Variants in TNRC18 observed in about 807,000 individuals in gnomAD.
The protein encoded by TNRC18 is trinucleotide repeat-containing gene 18 protein.
In TNRC18, 69 loss-of-function variants were observed where a neutral mutation model predicts 226.7. The observed-to-expected ratio is 0.30, with a 90% CI of 0.25 to 0.37. The LOEUF (loss-of-function observed/expected upper bound fraction) is 0.37, where lower values mean the gene tolerates loss of function less well. TNRC18 is among the 10% of genes least tolerant of loss of function. The pLI is 1.00. For missense variants in TNRC18, 4,754 were observed against 4,256.6 expected (o/e 1.12, Z -3.25); for synonymous variants, 2,449 against 1,927.6 (o/e 1.27, Z -7.09).
At chr7:5,419,539 G>A (rs189510506) in intron 2 of TNRC18, among the ~76,000 whole-genome samples, 2 of 151,956 alleles carry the variant, frequency 1.3e-5, no homozygotes, top group East Asian at 1.9e-4. Flanking sequence ...TGTACCCCAG[G>A]GCCGCCCCCC....
chr7:5,362,226 C>A (rs1208795053), intron 12 of TNRC18, among the ~76,000 whole-genome samples, 193 bp from the exon 13 acceptor site: 1 of 152,202 alleles, frequency 6.6e-6, no homozygotes, highest in African/African-American at 2.4e-5. Flanking sequence ...CTCTGCGGGG[C>A]TGTGGCAGTG....
intron 2 of TNRC18, chr7:5,420,298 C>A (rs935018578): frequency 1.1e-5 from 5 of 438,308 alleles, no homozygotes; most frequent in Non-Finnish European, 1.8e-5. Flanking sequence ...CCTCCGCCGC[C>A]TGGGCCCTGC....
intron 11 of TNRC18, among the ~76,000 whole-genome samples, chr7:5,368,098 C>T (rs1793790151): frequency 1.3e-5 from 2 of 151,694 alleles, no homozygotes; most frequent in African/African-American, 4.8e-5. Context: ...AATGCCTGAC[C>T]ATCTAAGACT....
In TNRC18 at chr7:5,320,322, G is replaced by A; in HGVS notation, c.6741C>T (p.Val2247=). The A allele has an allele frequency of 6.4e-7, 1 of 1,552,656 alleles. No homozygotes were observed. The highest frequency in any genetic ancestry group is 8.7e-7 in the Non-Finnish European group (1 of 1,147,874). ...GCTGGGGAGGAGGCATCTCACCTCG[G>A]ACCACAGTGCCTGGGTAGAGACAGC... ...QYRCLYPGTV[V]RGLLDLEDDG... is the part of the protein sequence containing the mutation. The change falls in exon 24 of 30, where the codon GTC becomes GTT. Residue 2247 remains valine, a synonymous_variant. Coordinates refer to ENST00000430969, the MANE Select transcript of TNRC18 (RefSeq NM_001080495.3).
chr7:5,372,474 C>T (rs568005211), intron 10 of TNRC18, among the ~76,000 whole-genome samples: 3 of 151,858 alleles, frequency 2.0e-5, no homozygotes, highest in South Asian at 2.1e-4. Context: ...CCACCCGCCT[C>T]AGCCTCCCAA....
rs1339471556 is a variant in TNRC18, at chr7:5,394,555, C to T, written c.228G>A (p.Gly76=). The T allele has an allele frequency of 6.5e-7, 1 of 1,550,180 alleles. No individual in the cohort carries two copies. Among genetic ancestry groups the T allele is most frequent in the South Asian group, 1.2e-5 (1 of 83,802 alleles). The change falls in exon 3 of 30, where the codon GGG becomes GGA. Residue 76 remains glycine (G), a synonymous_variant. Transcript: ENST00000430969. The surrounding 1 kb of genome is among the most constrained non-coding windows in gnomAD (Gnocchi z 4.5). ...GGCTCCCATGGGACGAGGCCGAGGG[C>T]CCCATCCCGCTGGCCACAAAGCTGC... ...FLGSFVASGM[G]PSASSHGSPV...
At chr7:5,396,699 G>A (rs1049575956) in intron 2 of TNRC18, among the ~76,000 whole-genome samples, 3 of 152,094 alleles carry the variant, frequency 2.0e-5, no homozygotes, top group Admixed American at 1.3e-4. Flanking sequence ...GAGGGATTCC[G>A]TGTGTACCCT....
rs143007573 is a variant in TNRC18 at position 5,356,413 on chromosome 7, G to A, written c.5194+503C>T. Among the ~76,000 whole-genome samples, 430 of 152,062 alleles carry A rather than the reference G, an allele frequency of 2.8e-3. 2 individuals are homozygous for A. The highest frequency in any genetic ancestry group is 9.8e-3 in the African/African-American group (405 of 41,484). The stretch of plus-strand genomic sequence containing the variant: ...CTGCATCCATAGCCGAGCACGGTGG[G>A]CGCTCCATAAACACTGCTTCCGCCA... On this transcript the variant is annotated intron_variant, in intron 16 of 29. Coordinates refer to ENST00000430969, the MANE Select transcript of TNRC18 (RefSeq NM_001080495.3).
Position 5,377,429 on chromosome 7 carries a change from C to T in TNRC18, c.2403G>A (p.Thr801=), listed in dbSNP as rs776250215. 3 of 1,586,698 alleles carry T rather than the reference C, an allele frequency of 1.9e-6. No homozygotes were observed. Among genetic ancestry groups the T allele is most frequent in the East Asian group, 2.3e-5 (1 of 43,328 alleles). The change falls in exon 7 of 30, where the codon ACG becomes ACA. Residue 801 remains threonine (T), a synonymous_variant. Coordinates refer to ENST00000430969, the MANE Select transcript of TNRC18 (RefSeq NM_001080495.3). This position sits in a 1 kb window ranked among gnomAD's most constrained non-coding sequence, Gnocchi z 5.8. The stretch of plus-strand genomic sequence containing the variant: ...TGCCCGAGCGGGGCAACCAGGGGTG[C>T]GTGGCCAGATGGGCTGCGGGGTCGG... ...WSADPAAHLA[T]HPWLPRSGNA...
intron 2 of TNRC18, chr7:5,420,541 C>G (rs899840847): frequency 1.1e-5 from 5 of 444,736 alleles, no homozygotes; most frequent in South Asian, 7.9e-5. Context: ...ACCGTACTCC[C>G]GCATCCCCCG....
At chr7:5,404,047 T>C (rs976866162) in intron 2 of TNRC18, among the ~76,000 whole-genome samples, 2 of 152,240 alleles carry the variant, frequency 1.3e-5, no homozygotes, top group African/African-American at 4.8e-5. Context: ...GTTAACACTC[T>C]GGCTATATAA....
At position 5,388,757 on chromosome 7, in the gene TNRC18, A is replaced by C; in HGVS notation, c.1067T>G (p.Val356Gly). The C allele has an allele frequency of 8.2e-7, 1 of 1,220,322 alleles. No individual in the cohort carries two copies. Among genetic ancestry groups the C allele is most frequent in the Non-Finnish European group, 1.0e-6 (1 of 978,672 alleles). The allele number at this position is 1,220,322 out of a possible 1,614,324, so 75.6% of individuals were successfully genotyped here. A position where few individuals can be genotyped will look rare whatever the true frequency, so the allele number is the denominator to read the frequency against. Residue 356 changes from valine to glycine, a missense_variant, in exon 5 of 30, where the codon GTC becomes GGC. Transcript: ENST00000430969. ...PAPPAATPAG[V>G]YTVFREQGRE... ...GCCCTGCTCGCGGAAGACGGTGTAG[A>C]CGCCGGCGGGGGTGGCCGCGGGGGG...
intron 2 of TNRC18, among the ~76,000 whole-genome samples, chr7:5,404,100 C>T (rs926569157): frequency 1.3e-5 from 2 of 152,080 alleles, no homozygotes; most frequent in Non-Finnish European, 2.9e-5. Context: ...GGGCCGGGGG[C>T]GGTGGACCAT....
At chr7:5,341,891 A>G (rs1790724542) in intron 18 of TNRC18, among the ~76,000 whole-genome samples, 1 of 152,216 alleles carries the variant, frequency 6.6e-6, no homozygotes, top group Non-Finnish European at 1.5e-5. Flanking sequence ...TTCCTTTCAA[A>G]ATACTACTGC....
intron 17 of TNRC18, among the ~76,000 whole-genome samples, chr7:5,351,504 G>T (rs937550984): frequency 6.6e-6 from 1 of 151,010 alleles, no homozygotes; most frequent in Admixed American, 6.6e-5. Flanking sequence ...ACTCGGGGGA[G>T]GGGGAGGAGG....
Position 5,323,142 on chromosome 7 carries a change from T to G in TNRC18, c.6442+1072A>C, listed in dbSNP as rs556931433. 8.3e-4 allele frequency among the ~76,000 whole-genome samples: 127 copies of G among 152,252 alleles called. 2 individuals are homozygous for G. The highest frequency in any genetic ancestry group is 3.0e-3 in the African/African-American group (124 of 41,554). ...GAGACGCACACAGGCGGCGGCTGGTTGTCACATAGCGGCAGGTGACCAATG... is the reference window on the plus strand; with the variant it reads ...GAGACGCACACAGGCGGCGGCTGGTGGTCACATAGCGGCAGGTGACCAATG... On this transcript the variant is annotated intron_variant, in intron 21 of 29. Transcript: ENST00000430969.
At chr7:5,411,274 C>T (rs1584112933) in intron 2 of TNRC18, among the ~76,000 whole-genome samples, 5 of 148,142 alleles carry the variant, frequency 3.4e-5, no homozygotes, top group Admixed American at 2.7e-4. Flanking sequence ...AAGGTTCATA[C>T]ACAAAGATCA....
At chr7:5,336,143 G>C (rs1391262905) in intron 18 of TNRC18, among the ~76,000 whole-genome samples, 1 of 151,576 alleles carries the variant, frequency 6.6e-6, no homozygotes, top group Admixed American at 6.6e-5. Flanking sequence ...GGAGGCGGAG[G>C]TTGCCATGAG....
rs1312666172 is a variant in TNRC18 at position 5,356,921 on chromosome 7, G to C, written c.5189C>G (p.Ser1730Cys). 3.2e-6 allele frequency: 5 copies of C among 1,543,938 alleles called. No homozygotes were observed. Among genetic ancestry groups the C allele is most frequent in the Middle Eastern group, 1.7e-4 (1 of 5,926 alleles). Residue 1730 changes from serine to cysteine, a missense_variant, in exon 16 of 30, where the codon TCT becomes TGT. Physicochemically the swap from Ser to Cys is moderately radical, Grantham distance 112. Transcript: ENST00000430969. ...GCGCGGCATACGCTACTTACTGTAA[G>C]AGTAGCTGCTCACTTCCGAGGCAAA... ...SPFASEVSSY[S>C]YNTDSEEDEE...
Sources: gnomAD v4.1 joint callset for allele counts (sites outside exome capture counted in the v4.1 genomes callset) on GRCh38, gnomAD v4.1.1 for gene constraint, Gnocchi (gnomAD v3.1) non-coding constraint, MANE v1.5 for transcripts, NCBI Gene and HGNC (gene_info 2026-07-23, HGNC 2026-07-21) for gene names.